RAD51AP2: variants seen among roughly 807,000 people sequenced by gnomAD.
The protein encoded by RAD51AP2 is RAD51 associated protein 2.
In RAD51AP2, 67 loss-of-function variants were observed where a neutral mutation model predicts 85.5. That is an observed-to-expected ratio of 0.78 (90% CI 0.64 to 0.96). RAD51AP2 has a LOEUF of 0.96. RAD51AP2 is among the 40% of genes least tolerant of loss of function. The pLI, the probability that RAD51AP2 is intolerant of heterozygous loss-of-function variation, is 0.00. For synonymous variants in RAD51AP2, 474 were observed against 446.5 expected (o/e 1.06, Z -0.78); for missense variants, 1,307 against 1,332.4 (o/e 0.98, Z 0.30).
chr2:17,524,666 A>G, the RAD51AP2 span, among the ~76,000 whole-genome samples: 2 of 151,912 alleles, frequency 1.3e-5, no homozygotes, highest in Non-Finnish European at 2.9e-5. Context: ...TATCTCTTAC[A>G]CTAAATTATT....
chr2:17,533,949 C>A, the RAD51AP2 span, among the ~76,000 whole-genome samples: 1 of 152,126 alleles, frequency 6.6e-6, no homozygotes, highest in South Asian at 2.1e-4. Context: ...AAAAATACAA[C>A]AAACCAGTCT....
the RAD51AP2 span, among the ~76,000 whole-genome samples, chr2:17,523,838 C>T: frequency 6.6e-6 from 1 of 151,928 alleles, no homozygotes; most frequent in African/African-American, 2.4e-5. Context: ...CTCCCTCTAT[C>T]ATTATCTAGG....
the RAD51AP2 span, among the ~76,000 whole-genome samples, chr2:17,533,125 C>G: frequency 1.5e-3 from 234 of 152,280 alleles, 3 homozygotes; most frequent in South Asian, 0.048. Flanking sequence ...CCTCCTTTGT[C>G]AATCAAACCT....
At position 17,515,739 on chromosome 2, in the gene RAD51AP2, G is replaced by T. The variant is rs569304147; in HGVS notation, c.2677C>A (p.Gln893Lys). The change falls in exon 1 of 3, where the codon CAA (glutamine) becomes AAA (lysine). Residue 893 changes from glutamine (Q) to lysine (K), a missense_variant. By Grantham distance (53) the Gln-to-Lys change is moderately conservative. Around this residue, in one of 3 missense-constraint regions of RAD51AP2, gnomAD observed 668 missense variants for 671.0 expected, o/e 1.00. Transcript: ENST00000399080. ...TCATTTGTATTTGTTACATAATTTT[G>T]ATTAACATATTTATTTTCTTCCACA... ...VNVEENKYVNQNYVTNTNEYE... is the reference protein window; with the variant it reads ...VNVEENKYVNKNYVTNTNEYE... The T allele has an allele frequency of 1.3e-6, 2 of 1,596,680 alleles. No homozygotes were observed. The highest frequency in any genetic ancestry group is 2.3e-5 in the South Asian group (2 of 87,682).
chr2:17,515,539 T>A lies in RAD51AP2; in HGVS notation c.2877A>T (p.Val959=). 6.2e-7 allele frequency: 1 copy of A among 1,609,004 alleles called. No individual in the cohort carries two copies. Among genetic ancestry groups the A allele is most frequent in the Non-Finnish European group, 8.5e-7 (1 of 1,178,660 alleles). ...KYLSTEALTI[V]KDFEMKRKFD... ...ATTTTCTCTTCATCTCAAAATCTTT[T>A]ACTATTGTCAGAGCTTCTGTTGATA... is the stretch of plus-strand genomic sequence containing the variant. The change falls in exon 1 of 3, where the codon GTA becomes GTT. Residue 959 remains valine, a synonymous_variant. Transcript: ENST00000399080.
Position 17,516,661 on chromosome 2 carries a change from AG to A in RAD51AP2, c.1754del (p.Ala585ValfsTer10), listed in dbSNP as rs747798742. 4 of 1,570,366 alleles carry A rather than the reference AG, an allele frequency of 2.5e-6. No homozygotes were observed. The highest frequency in any genetic ancestry group is 2.3e-5 in the East Asian group (1 of 44,332). The stretch of plus-strand genomic sequence containing the variant: ...AAGAGTCAAAGTTATTGAGCAAAAA[AG>A]CTATGTTAGTTTTCAATAGAATATC... ...PLDILLKTNI[A>X]FLLNNFDSLT... On this transcript the variant is annotated frameshift_variant, in exon 1 of 3. Coordinates refer to ENST00000399080, the MANE Select transcript of RAD51AP2 (RefSeq NM_001099218.3). LOFTEE classifies it high-confidence loss of function.
chr2:17,514,183 C>T, intron 1 of RAD51AP2, 91 bp from the exon 2 acceptor site: 1 of 780,014 alleles, frequency 1.3e-6, no homozygotes, highest in Non-Finnish European at 2.1e-6. Context: ...GAAATATTTC[C>T]TTCAGTTGGC....
chr2:17,531,495 T>A, the RAD51AP2 span, among the ~76,000 whole-genome samples: 2 of 152,156 alleles, frequency 1.3e-5, no homozygotes, highest in East Asian at 3.8e-4. Flanking sequence ...CTAAACCTGC[T>A]CTAAAAAATA....
chr2:17,529,016 T>C, the RAD51AP2 span, among the ~76,000 whole-genome samples: 5 of 152,178 alleles, frequency 3.3e-5, no homozygotes, highest in African/African-American at 9.6e-5. Context: ...TTCCCAGTCA[T>C]ACAAATCTAG....
chr2:17,517,672 A>G lies in RAD51AP2; in HGVS notation c.744T>C (p.Pro248=), dbSNP rs753259907. 7 of 1,613,540 alleles carry G rather than the reference A, an allele frequency of 4.3e-6. No individual in the cohort carries two copies. In the South Asian group the frequency reaches 7.7e-5, roughly 18 times the overall value. The change falls in exon 1 of 3, where the codon CCT becomes CCC. Residue 248 remains proline, a synonymous_variant. Transcript: ENST00000399080. ...QNQPSLEIAK[P]SYFRDSGTIS... is the part of the protein sequence containing the mutation. ...TTGTGCCGCTATCTCTAAAATAGCTAGGTTTGGCAATTTCCAAGCTGGGCT... is the reference window on the plus strand; with the variant it reads ...TTGTGCCGCTATCTCTAAAATAGCTGGGTTTGGCAATTTCCAAGCTGGGCT...
Position 17,518,182 on chromosome 2 carries a change from C to T in RAD51AP2, c.234G>A (p.Thr78=). 1 of 1,614,142 alleles carries T rather than the reference C, an allele frequency of 6.2e-7. No homozygotes were observed. Among genetic ancestry groups the T allele is most frequent in the Non-Finnish European group, 8.5e-7 (1 of 1,180,006 alleles). ...CTGTGGAGTTATCGAAAATAGCATTCGTTGAAACAAGGAGTCCCTTGAAGG... is the reference window on the plus strand; with the variant it reads ...CTGTGGAGTTATCGAAAATAGCATTTGTTGAAACAAGGAGTCCCTTGAAGG... The part of the protein sequence containing the change: ...PRPFKGLLVS[T]NAIFDNSTDS... The change falls in exon 1 of 3, where the codon ACG becomes ACA. Residue 78 remains threonine (T), a synonymous_variant. Coordinates refer to ENST00000399080, the MANE Select transcript of RAD51AP2 (RefSeq NM_001099218.3).
chr2:17,515,257 T>C lies in RAD51AP2; in HGVS notation c.3159A>G (p.Val1053=), dbSNP rs754260836. The change falls in exon 1 of 3, where the codon GTA becomes GTG. Residue 1053 remains valine, a synonymous_variant. Transcript: ENST00000399080. The stretch of plus-strand genomic sequence containing the variant: ...GAACTTCCTGTTCTCCATTATTGGG[T>C]ACAGTTTTCCATTTAAATAAACTTT... ...SHQSLFKWKT[V]PNNGEQEVPN... 2 of 1,613,190 alleles carry C rather than the reference T, an allele frequency of 1.2e-6. No individual in the cohort carries two copies. The highest frequency in any genetic ancestry group is 1.7e-6 in the Non-Finnish European group (2 of 1,179,422).
At chr2:17,512,779 G>A (rs527283105) in intron 2 of RAD51AP2, among the ~76,000 whole-genome samples, 1 of 152,138 alleles carries the variant, frequency 6.6e-6, no homozygotes, top group Non-Finnish European at 1.5e-5. Context: ...ATGGAGTATT[G>A]TTCCATCAGT....
At chr2:17,519,175 T>C (rs761558436), upstream of RAD51AP2, among the ~76,000 whole-genome samples, 4 of 152,094 alleles carry the variant, frequency 2.6e-5, no homozygotes, top group African/African-American at 9.7e-5. Flanking sequence ...AGAGATAAAA[T>C]ATTATATGTT....
At chr2:17,536,747 T>G in the RAD51AP2 span, among the ~76,000 whole-genome samples, 3 of 152,194 alleles carry the variant, frequency 2.0e-5, no homozygotes, top group Non-Finnish European at 2.9e-5. Flanking sequence ...GGAGACATGA[T>G]CAATCAAGTT....
At position 17,517,725 on chromosome 2, in the gene RAD51AP2, C is replaced by T; in HGVS notation, c.691G>A (p.Val231Ile). ...NKRENNISSS[V>I]LKISKSQNQP... ...TTTTGAGATTTTGATATTTTTAGTACAGATGATGAAATGTTATTTTCTCTT... is the reference window on the plus strand; with the variant it reads ...TTTTGAGATTTTGATATTTTTAGTATAGATGATGAAATGTTATTTTCTCTT... The change falls in exon 1 of 3, where the codon GTA (valine) becomes ATA (isoleucine). Residue 231 changes from valine (V) to isoleucine (I), a missense_variant. Val to Ile is a conservative substitution (Grantham distance 29). Around this residue, in one of 3 missense-constraint regions of RAD51AP2, gnomAD observed 635 missense variants for 643.6 expected, o/e 0.99. Coordinates refer to ENST00000399080, the MANE Select transcript of RAD51AP2 (RefSeq NM_001099218.3). 9.9e-6 allele frequency: 16 copies of T among 1,613,522 alleles called. No individual in the cohort carries two copies. Among genetic ancestry groups the T allele is most frequent in the Non-Finnish European group, 1.4e-5 (16 of 1,179,874 alleles).
intron 2 of RAD51AP2, among the ~76,000 whole-genome samples, chr2:17,512,805 G>T (rs982232636): frequency 6.6e-6 from 1 of 152,036 alleles, no homozygotes; most frequent in African/African-American, 2.4e-5. Context: ...CCTTCATCCC[G>T]GGGAGAAGAG....
chr2:17,530,584 CAAAAAAAAAAAAAA>C, the RAD51AP2 span, among the ~76,000 whole-genome samples: 486 of 80,284 alleles, frequency 6.1e-3, 6 homozygotes, highest in African/African-American at 0.027. Context: ...GGCCCTGTCT[CAAAAAAAAAAAAAA>C]AAAAAAAAAA....
chr2:17,511,650 T>C (rs186152510), intron 2 of RAD51AP2, among the ~76,000 whole-genome samples: 9 of 152,320 alleles, frequency 5.9e-5, no homozygotes, highest in African/African-American at 1.7e-4. Context: ...AATCAAACTT[T>C]ATTGAATCAG....
Sources: gnomAD v4.1 joint callset for allele counts (sites outside exome capture counted in the v4.1 genomes callset) on GRCh38, gnomAD v4.1.1 for gene constraint, gnomAD v4.1.1 regional missense constraint, MANE v1.5 for transcripts, NCBI Gene and HGNC (gene_info 2026-07-23, HGNC 2026-07-21) for gene names.